The following CA10 variants were observed in gnomAD, a reference collection of about 807,000 sequenced individuals.
CA10 encodes the protein carbonic anhydrase 10 (inactive), also known as carbonic anhydrase-related protein 10.
A neutral mutation model predicts 44.2 loss-of-function variants in CA10; 14 were observed. The observed-to-expected ratio is 0.32, with a 90% confidence interval of 0.21 to 0.50. The LOEUF (loss-of-function observed/expected upper bound fraction) is 0.50. Among genes scored for constraint, CA10 ranks in the 20% least tolerant of loss-of-function variants. CA10 has a pLI of 0.99. For synonymous variants in CA10, 159 were observed against 141.6 expected (o/e 1.12, Z -0.87); for missense variants, 350 against 409.7 (o/e 0.85, Z 1.26).
At chr17:51,844,155 T>C (rs1012060399) in intron 3 of CA10, among the ~76,000 whole-genome samples, 1 of 151,868 alleles carries the variant, frequency 6.6e-6, no homozygotes, top group Non-Finnish European at 1.5e-5. Context: ...CATTACTAGA[T>C]CTTATTTGAA....
chr17:51,638,853 C>T (rs538253351), intron 6 of CA10, among the ~76,000 whole-genome samples: 4 of 152,070 alleles, frequency 2.6e-5, no homozygotes, highest in Non-Finnish European at 5.9e-5. Context: ...AGCTGGGAAT[C>T]GGGTAGGGTG....
chr17:51,700,060 G>A lies in CA10; in HGVS notation c.466-46324C>T, dbSNP rs150227132. ...CCTTTCAAGATGTTAGAATAAGTTT[G>A]CACCATGGTTGTGGCCATCAGGTGG... On this transcript the variant is annotated intron_variant, in intron 4 of 8. Transcript: ENST00000451037. Among the ~76,000 whole-genome samples the A allele has an allele frequency of 1.7e-3, 259 of 152,280 alleles. 1 individual carries two copies. Among genetic ancestry groups the A allele is most frequent in the African/African-American group, 5.7e-3 (238 of 41,548 alleles).
intron 3 of CA10, among the ~76,000 whole-genome samples, chr17:51,869,443 G>A (rs552117546): frequency 8.5e-5 from 13 of 152,256 alleles, no homozygotes; most frequent in African/African-American, 2.4e-4. Context: ...TACTCCTGAG[G>A]CCTCCCAGGT....
chr17:52,026,681 G>C (rs1288082443), intron 2 of CA10, among the ~76,000 whole-genome samples: 2 of 152,072 alleles, frequency 1.3e-5, no homozygotes, highest in African/African-American at 4.8e-5. Flanking sequence ...CCAAACAAGA[G>C]GGGGAAAAGC....
intron 2 of CA10, among the ~76,000 whole-genome samples, chr17:51,951,984 T>G (rs1983501916): frequency 6.6e-6 from 1 of 152,164 alleles, no homozygotes; most frequent in African/African-American, 2.4e-5. Flanking sequence ...TCTCGTGTGG[T>G]TTTGAGTTTC....
At chr17:51,822,150 G>A (rs1427169149) in intron 3 of CA10, among the ~76,000 whole-genome samples, 1 of 152,120 alleles carries the variant, frequency 6.6e-6, no homozygotes, top group African/African-American at 2.4e-5. Context: ...TTGGCCAGGT[G>A]TGGTGGCTCA....
At chr17:51,866,640 C>A (rs1979559602) in intron 3 of CA10, among the ~76,000 whole-genome samples, 1 of 152,212 alleles carries the variant, frequency 6.6e-6, no homozygotes, top group African/African-American at 2.4e-5. Context: ...AAGATACCCG[C>A]TCGACTTTAT....
chr17:51,835,474 C>T (rs1274450517), intron 3 of CA10, among the ~76,000 whole-genome samples: 1 of 152,226 alleles, frequency 6.6e-6, no homozygotes, highest in African/African-American at 2.4e-5. Flanking sequence ...CTTGCCACTG[C>T]CATTCAGCAA....
intron 2 of CA10, among the ~76,000 whole-genome samples, chr17:51,936,255 C>A (rs1394665807): frequency 6.6e-6 from 1 of 152,122 alleles, no homozygotes; most frequent in East Asian, 1.9e-4. Flanking sequence ...TTCCTATTCT[C>A]ATGAATCTTG....
intron 3 of CA10, among the ~76,000 whole-genome samples, chr17:51,823,455 G>T (rs1317542492): frequency 6.6e-6 from 1 of 152,220 alleles, no homozygotes; most frequent in African/African-American, 2.4e-5. Flanking sequence ...CTGCCAAGGG[G>T]CTGCTTTCCA....
chr17:51,722,551 A>G (rs1916380337), intron 4 of CA10, among the ~76,000 whole-genome samples: 1 of 152,238 alleles, frequency 6.6e-6, no homozygotes, highest in South Asian at 2.1e-4. Context: ...ACTCTGCTAA[A>G]CAGTAGGTTG....
At chr17:51,811,470 G>C (rs1273723025) in intron 3 of CA10, among the ~76,000 whole-genome samples, 2 of 152,136 alleles carry the variant, frequency 1.3e-5, no homozygotes, top group South Asian at 4.1e-4. Flanking sequence ...AGTGTGTGAT[G>C]TTCCCCACCC....
chr17:51,917,398 G>C (rs1286946956), intron 3 of CA10, among the ~76,000 whole-genome samples: 10 of 152,250 alleles, frequency 6.6e-5, no homozygotes, highest in Admixed American at 5.9e-4. Flanking sequence ...GGCAGGATGA[G>C]AGCACTTTGG....
Position 51,917,458 on chromosome 17 carries a change from T to A in CA10, c.279+13532A>T, listed in dbSNP as rs141403036. 3.0e-5 allele frequency among the ~76,000 whole-genome samples: 4 copies of A among 133,536 alleles called. No individual in the cohort carries two copies. In the East Asian group the frequency reaches 9.1e-4, roughly 31 times the overall value. The allele number at this position is 133,536 out of a possible 152,430, so 87.6% of individuals were successfully genotyped here. A position where few individuals can be genotyped will look rare whatever the true frequency, so the allele number is the denominator to read the frequency against. ...TGTGTATGTTAAGCTGTTCTTGCAT[T>A]GTTATACAGAAATAGCCAAGGCTGG... On this transcript the variant is annotated intron_variant, in intron 3 of 8. Transcript: ENST00000451037.
intron 3 of CA10, among the ~76,000 whole-genome samples, chr17:51,906,933 A>G (rs943313205): frequency 6.6e-6 from 1 of 152,142 alleles, no homozygotes; most frequent in African/African-American, 2.4e-5. Context: ...CAGATGACAC[A>G]GTGGTTTCCT....
chr17:51,904,982 C>G (rs1435265398), intron 3 of CA10, among the ~76,000 whole-genome samples: 2 of 152,122 alleles, frequency 1.3e-5, no homozygotes, highest in African/African-American at 4.8e-5. Context: ...TTAAAAAATA[C>G]TATTTACATG....
chr17:51,731,389 A>G (rs999843774), intron 4 of CA10, among the ~76,000 whole-genome samples: 11 of 152,210 alleles, frequency 7.2e-5, no homozygotes, highest in Non-Finnish European at 1.2e-4. Context: ...AAAAAAAGAA[A>G]GGGAAATGGA....
At chr17:52,108,699 CAAAAAAAAAAAAAAAAAAAAA>C (rs759411898) in intron 1 of CA10, among the ~76,000 whole-genome samples, 1 of 91,860 alleles carries the variant, frequency 1.1e-5, no homozygotes, top group Non-Finnish European at 2.3e-5. Flanking sequence ...GACTCCGTCT[CAAAAAAAAAAAAAAAAAAAAA>C]AAAAAAAAGA....
At chr17:51,894,163 A>G (rs146473097) in intron 3 of CA10, among the ~76,000 whole-genome samples, 242 of 152,240 alleles carry the variant, frequency 1.6e-3, no homozygotes, top group African/African-American at 5.5e-3. Flanking sequence ...AATTCATAAC[A>G]CAAAATGGAA....
Sources: gnomAD v4.1 joint callset for allele counts (sites outside exome capture counted in the v4.1 genomes callset) on GRCh38, gnomAD v4.1.1 for gene constraint, MANE v1.5 for transcripts, NCBI Gene and HGNC (gene_info 2026-07-23, HGNC 2026-07-21) for gene names.